C12orf42: variants seen among roughly 807,000 people sequenced by gnomAD.
The protein encoded by C12orf42 is uncharacterized protein C12orf42.
In C12orf42, 25 loss-of-function variants were observed where a neutral mutation model predicts 21.6. The observed-to-expected ratio is 1.16, with a 90% CI of 0.84 to 1.62. C12orf42 has a LOEUF of 1.62. Among genes scored for constraint, C12orf42 ranks in the 40% most tolerant of loss-of-function variants. The pLI is 0.00. For synonymous variants in C12orf42, 174 were observed against 175.0 expected, an observed-to-expected ratio of 0.99 and a Z score of 0.05; for missense variants, 483 against 459.3, an observed-to-expected ratio of 1.05 and a Z score of -0.47.
At chr12:103,334,729 C>T (rs1191612354) in intron 4 of C12orf42, among the ~76,000 whole-genome samples, 1 of 152,134 alleles carries the variant, frequency 6.6e-6, no homozygotes, top group Non-Finnish European at 1.5e-5. Flanking sequence ...GTGCAAACTG[C>T]CCAAAGAAAT....
At chr12:103,378,776 A>G (rs2045918136) in intron 3 of C12orf42, 1 of 152,212 alleles carries the variant, frequency 6.6e-6, no homozygotes, top group Admixed American at 6.5e-5. Context: ...CACCTCCCTA[A>G]GCTTCAATAG....
the C12orf42 span, among the ~76,000 whole-genome samples, chr12:103,208,907 A>G: frequency 6.6e-6 from 1 of 152,118 alleles, no homozygotes; most frequent in African/African-American, 2.4e-5. Flanking sequence ...ATCCTCATGA[A>G]CAGTTTCTTC....
At chr12:103,508,944 C>A in the C12orf42 span, among the ~76,000 whole-genome samples, 2 of 152,252 alleles carry the variant, frequency 1.3e-5, no homozygotes, top group African/African-American at 4.8e-5. Context: ...ATTTGAAGTA[C>A]TTTATATGTA....
intron 2 of C12orf42, among the ~76,000 whole-genome samples, chr12:103,430,613 G>T (rs1357688455): frequency 1.3e-5 from 2 of 152,164 alleles, no homozygotes; most frequent in African/African-American, 4.8e-5. Context: ...CCATTACTGG[G>T]TATATACCCA....
the C12orf42 span, among the ~76,000 whole-genome samples, chr12:103,515,310 T>C: frequency 6.6e-6 from 1 of 152,194 alleles, no homozygotes; most frequent in Non-Finnish European, 1.5e-5. Context: ...AAAAAATGCA[T>C]AGTGACCTGT....
intron 4 of C12orf42, among the ~76,000 whole-genome samples, chr12:103,281,696 C>T (rs1383593777): frequency 6.6e-6 from 1 of 151,848 alleles, no homozygotes; most frequent in East Asian, 1.9e-4. Context: ...CACTCTGTAG[C>T]CCAGGTTGGA....
chr12:103,506,884 TATTAA>T, the C12orf42 span, among the ~76,000 whole-genome samples: 6 of 67,030 alleles, frequency 9.0e-5, no homozygotes, highest in African/African-American at 1.4e-4. Flanking sequence ...ATATATTATA[TATTAA>T]ATATATATTT....
At chr12:103,235,679 A>T (rs1418168776), downstream of C12orf42, among the ~76,000 whole-genome samples, 1 of 152,138 alleles carries the variant, frequency 6.6e-6, no homozygotes, top group Admixed American at 6.5e-5. Flanking sequence ...TTCGTGTCTG[A>T]TAGTGTTGAA....
the C12orf42 span, among the ~76,000 whole-genome samples, chr12:103,133,355 T>A: frequency 6.6e-6 from 1 of 152,152 alleles, no homozygotes; most frequent in African/African-American, 2.4e-5. Context: ...AGTCCACTAT[T>A]GTTACTACTG....
At chr12:103,370,716 T>G (rs2045130931) in intron 3 of C12orf42, among the ~76,000 whole-genome samples, 1 of 151,998 alleles carries the variant, frequency 6.6e-6, no homozygotes, top group African/African-American at 2.4e-5. Flanking sequence ...CAAGAGGCAC[T>G]AGGGCCTACT....
At chr12:103,190,148 T>C in the C12orf42 span, among the ~76,000 whole-genome samples, 1 of 152,148 alleles carries the variant, frequency 6.6e-6, no homozygotes, top group East Asian at 1.9e-4. Context: ...AAGCAGATAG[T>C]GCAGACCTCA....
intron 2 of C12orf42, among the ~76,000 whole-genome samples, chr12:103,447,711 T>C (rs2137417954): frequency 6.6e-6 from 1 of 151,758 alleles, no homozygotes; most frequent in Non-Finnish European, 1.5e-5. Context: ...AAAAAAATAA[T>C]AAAATGCTTA....
chr12:103,251,901 G>A (rs560710427), intron 10 of C12orf42, among the ~76,000 whole-genome samples: 1 of 152,094 alleles, frequency 6.6e-6, no homozygotes, highest in South Asian at 2.1e-4. Context: ...GACCACCAAG[G>A]TGTCTTTTAA....
the C12orf42 span, among the ~76,000 whole-genome samples, chr12:103,169,544 T>C: frequency 2.0e-5 from 3 of 152,128 alleles, no homozygotes; most frequent in Non-Finnish European, 2.9e-5. Context: ...TTAGTATGTA[T>C]AAGAAATGAG....
chr12:103,109,403 T>G, the C12orf42 span, among the ~76,000 whole-genome samples: 1 of 151,976 alleles, frequency 6.6e-6, no homozygotes, highest in Non-Finnish European at 1.5e-5. Context: ...AACTGGTATA[T>G]GATGAAGGTA....
the C12orf42 span, among the ~76,000 whole-genome samples, chr12:103,181,829 G>A: frequency 1.4e-4 from 22 of 152,184 alleles, no homozygotes; most frequent in Non-Finnish European, 2.8e-4. Context: ...CCCCTACCCT[G>A]TCTCACAGGT....
At chr12:103,069,571 G>C in the C12orf42 span, among the ~76,000 whole-genome samples, 1 of 152,060 alleles carries the variant, frequency 6.6e-6, no homozygotes, top group Non-Finnish European at 1.5e-5. Flanking sequence ...AGAGCAAAAT[G>C]GTTTTATGGA....
chr12:103,087,978 T>A, the C12orf42 span, among the ~76,000 whole-genome samples: 2 of 152,268 alleles, frequency 1.3e-5, no homozygotes. Flanking sequence ...AGTTATATCC[T>A]TGACCAGTTG....
the C12orf42 span, among the ~76,000 whole-genome samples, chr12:103,183,334 C>A: frequency 0.014 from 2,065 of 152,354 alleles, 51 homozygotes; most frequent in African/African-American, 0.044. Context: ...CCCGCCTTGG[C>A]CTCCCAAAGT....
Sources: allele counts gnomAD v4.1 joint callset (sites outside exome capture counted in the v4.1 genomes callset), GRCh38; gene constraint gnomAD v4.1.1; transcripts MANE v1.5; gene names NCBI Gene and HGNC (gene_info 2026-07-23, HGNC 2026-07-21).